Variants in F2 observed in about 807,000 individuals in gnomAD.
F2 encodes the protein prothrombin.
In F2, 34 loss-of-function variants were observed where a neutral mutation model predicts 81.9. That is an observed-to-expected ratio of 0.42 (90% confidence interval 0.32 to 0.55). F2 has a LOEUF of 0.55. F2 is among the 20% of genes least tolerant of loss of function. F2 has a pLI of 0.18. For synonymous variants in F2, 296 were observed against 326.4 expected (o/e 0.91, Z 1.01); for missense variants, 630 against 833.4 (o/e 0.76, Z 3.00).
At chr11:46,734,592 C>T (rs1478771408) in intron 12 of F2, among the ~76,000 whole-genome samples, 2 of 151,980 alleles carry the variant, frequency 1.3e-5, no homozygotes, top group Admixed American at 6.6e-5. Flanking sequence ...TGGGGGATCA[C>T]CTGAGGTCAG....
chr11:46,737,591 C>T (rs2064951925), intron 12 of F2, among the ~76,000 whole-genome samples: 3 of 151,520 alleles, frequency 2.0e-5, no homozygotes, highest in Admixed American at 2.0e-4. Flanking sequence ...CAGGTGTACA[C>T]TGCCACGCCC....
At chr11:46,735,770 A>G (rs1348944884) in intron 12 of F2, among the ~76,000 whole-genome samples, 1 of 151,840 alleles carries the variant, frequency 6.6e-6, no homozygotes, top group Non-Finnish European at 1.5e-5. Context: ...TAAAAATACA[A>G]AATTAGCCAG....
At position 46,728,566 on chromosome 11, in the gene F2, C is replaced by T; in HGVS notation, c.1299-98C>T. The T allele has an allele frequency of 2.2e-6, 3 of 1,390,296 alleles. No homozygotes were observed. In the Admixed American group the frequency reaches 5.3e-5, roughly 24 times the overall value. 86.1% of individuals were successfully genotyped at this position (1,390,296 alleles called of 1,614,324 possible). On this transcript the variant is annotated intron_variant, in intron 10 of 13. Coordinates refer to ENST00000311907, the MANE Select transcript of F2 (RefSeq NM_000506.5). The surrounding 1 kb of genome is among the most constrained non-coding windows in gnomAD (Gnocchi z 5.1). Reference sequence around the variant, plus strand: ...GCCCTATCCCCTCCCTGGTGGCCTGCAGGACACACTGTCTCCCAGACCCCA... The same window carrying T: ...GCCCTATCCCCTCCCTGGTGGCCTGTAGGACACACTGTCTCCCAGACCCCA...
At chr11:46,724,961 G>T (rs890931489) in intron 6 of F2, among the ~76,000 whole-genome samples, 1 of 151,584 alleles carries the variant, frequency 6.6e-6, no homozygotes, top group Non-Finnish European at 1.5e-5. Context: ...TAGTAGAGAC[G>T]GGGTTTCACC....
At chr11:46,730,186 G>A (rs1359663160) in intron 12 of F2, among the ~76,000 whole-genome samples, 1 of 151,536 alleles carries the variant, frequency 6.6e-6, no homozygotes, top group Admixed American at 6.6e-5. Context: ...TGTAGTCGCA[G>A]CTACTCAGGA....
intron 4 of F2, among the ~76,000 whole-genome samples, chr11:46,722,956 G>A (rs2064846649): frequency 6.6e-6 from 1 of 152,246 alleles, no homozygotes; most frequent in Admixed American, 6.5e-5. Context: ...GATGTGTACT[G>A]AGCACCCGAC....
chr11:46,722,033 C>T lies in F2; in HGVS notation c.317-1147C>T, dbSNP rs567426756. ...AATTTTTTGTATTTTTTAGTAGAGACGGGGTTTCACCATGTTGGCCAGGCT... is the reference window on the plus strand; with the variant it reads ...AATTTTTTGTATTTTTTAGTAGAGATGGGGTTTCACCATGTTGGCCAGGCT... On this transcript the variant is annotated intron_variant, in intron 4 of 13. Transcript: ENST00000311907. 5.3e-5 allele frequency among the ~76,000 whole-genome samples: 8 copies of T among 152,116 alleles called. No homozygotes were observed. In the East Asian group the frequency reaches 5.8e-4, roughly 11 times the overall value.
At position 46,720,779 on chromosome 11, in the gene F2, G is replaced by T; in HGVS notation, c.266-11G>T. On this transcript the variant is annotated splice_polypyrimidine_tract_variant and intron_variant, in intron 3 of 13. Coordinates refer to ENST00000311907, the MANE Select transcript of F2 (RefSeq NM_000506.5). ...CCCAATCCCAAAGGTAAACACCTGGGTCTTTTCCAGCTTGTGAGACAGCGA... is the reference window on the plus strand; with the variant it reads ...CCCAATCCCAAAGGTAAACACCTGGTTCTTTTCCAGCTTGTGAGACAGCGA... The T allele has an allele frequency of 1.2e-6, 2 of 1,613,860 alleles. No homozygotes were observed. Among genetic ancestry groups the T allele is most frequent in the Non-Finnish European group, 1.7e-6 (2 of 1,179,780 alleles).
chr11:46,732,606 C>G (rs1002360359), intron 12 of F2, among the ~76,000 whole-genome samples: 2 of 152,216 alleles, frequency 1.3e-5, no homozygotes, highest in African/African-American at 4.8e-5. Flanking sequence ...ACCATGTTGG[C>G]CAGGCTGGTC....
In F2 at chr11:46,735,240, G is replaced by C. The variant is rs980789491; in HGVS notation, c.1655-3808G>C. Among the ~76,000 whole-genome samples the C allele has an allele frequency of 7.9e-5, 12 of 152,072 alleles. No individual in the cohort carries two copies. In the South Asian group the frequency reaches 8.3e-4, roughly 11 times the overall value. ...GTGGATCATGAGGTCAGGAGATAGA[G>C]ACCATCCTGGCCAACATGGTGAAAC... On this transcript the variant is annotated intron_variant, in intron 12 of 13. Coordinates refer to ENST00000311907, the MANE Select transcript of F2 (RefSeq NM_000506.5).
In F2 at chr11:46,726,570, C is replaced by T. The variant is rs745564224; in HGVS notation, c.947C>T (p.Ala316Val). The change falls in exon 8 of 14, where the codon GCC becomes GTC. Residue 316 changes from alanine to valine, a missense_variant. By Grantham distance (64) the Ala-to-Val change is moderately conservative. Coordinates refer to ENST00000311907, the MANE Select transcript of F2 (RefSeq NM_000506.5). The surrounding 1 kb of genome is among the most constrained non-coding windows in gnomAD (Gnocchi z 5.9). ...DSDRAIEGRT[A>V]TSEYQTFFNP... The stretch of plus-strand genomic sequence containing the variant: ...GACAGGGCCATCGAAGGGCGTACCG[C>T]CACCAGTGAGTACCAGACTTTCTTC... 8.1e-6 allele frequency: 13 copies of T among 1,614,124 alleles called. No homozygotes were observed. The highest frequency in any genetic ancestry group is 1.1e-5 in the Non-Finnish European group (13 of 1,179,984).
At chr11:46,733,782 CTTTTTTTTTTT>C (rs34296052) in intron 12 of F2, among the ~76,000 whole-genome samples, 2 of 89,766 alleles carry the variant, frequency 2.2e-5, no homozygotes. Flanking sequence ...GATTAAGGAC[CTTTTTTTTTTT>C]TTTTTTTTTT....
rs2064826413 is a variant in F2, at chr11:46,719,989, C to A, written c.240+127C>A. 2 of 1,318,394 alleles carry A rather than the reference C, an allele frequency of 1.5e-6. No individual in the cohort carries two copies. Among genetic ancestry groups the A allele is most frequent in the Non-Finnish European group, 2.1e-6 (2 of 954,914 alleles). 81.7% of individuals were successfully genotyped at this position (1,318,394 alleles called of 1,614,324 possible). A position where few individuals can be genotyped will look rare whatever the true frequency, so the allele number is the denominator to read the frequency against. On this transcript the variant is annotated intron_variant, in intron 2 of 13. Transcript: ENST00000311907. This position sits in a 1 kb window ranked among gnomAD's most constrained non-coding sequence, Gnocchi z 4.7. Reference sequence around the variant, plus strand: ...CTCACAGCCTCATTTCAACTCTGAGCCCCTCCTCACAGGGCTGGCAAGAGG... The same window carrying A: ...CTCACAGCCTCATTTCAACTCTGAGACCCTCCTCACAGGGCTGGCAAGAGG...
chr11:46,739,292 A>G lies in F2; in HGVS notation c.1753A>G (p.Met585Val), dbSNP rs1298718944. The change falls in exon 14 of 14, where the codon ATG becomes GTG. Residue 585 changes from methionine (M) to valine (V), a missense_variant. Transcript: ENST00000311907. ...CCCCTTTAACAACCGCTGGTATCAA[A>G]TGGGCATCGTCTCATGGGGTGAAGG... ...KSPFNNRWYQ[M>V]GIVSWGEGCD... is the part of the protein sequence containing the mutation. 1 of 1,614,128 alleles carries G rather than the reference A, an allele frequency of 6.2e-7. No individual in the cohort carries two copies. The highest frequency in any genetic ancestry group is 8.5e-7 in the Non-Finnish European group (1 of 1,180,020).
chr11:46,726,645 G>A lies in F2; in HGVS notation c.1003+19G>A, dbSNP rs372168589. The A allele has an allele frequency of 1.1e-4, 185 of 1,613,484 alleles. No individual in the cohort carries two copies. Among genetic ancestry groups the A allele is most frequent in the African/African-American group, 1.6e-4 (12 of 74,944 alleles). ...GAGGCAGGTGAGGTAGTGGGCATCC[G>A]AGGGGATGCGGGGCTGCGGGGCTGG... On this transcript the variant is annotated intron_variant, in intron 8 of 13. Coordinates refer to ENST00000311907, the MANE Select transcript of F2 (RefSeq NM_000506.5). The surrounding 1 kb of genome is among the most constrained non-coding windows in gnomAD (Gnocchi z 5.9).
At chr11:46,721,234 G>C (rs2064834411) in intron 4 of F2, among the ~76,000 whole-genome samples, 1 of 152,102 alleles carries the variant, frequency 6.6e-6, no homozygotes, top group Non-Finnish European at 1.5e-5. Flanking sequence ...AGTAGAGACG[G>C]GGTTTCACCA....
At chr11:46,732,880 T>G in intron 12 of F2, among the ~76,000 whole-genome samples, 1 of 152,176 alleles carries the variant, frequency 6.6e-6, no homozygotes, top group Non-Finnish European at 1.5e-5. Flanking sequence ...ACTGTAGTGT[T>G]GGAACCAGCC....
Position 46,730,986 on chromosome 11 carries a change from G to C in F2, c.1654+1425G>C, listed in dbSNP as rs185425191. 3.8e-3 allele frequency among the ~76,000 whole-genome samples: 576 copies of C among 151,890 alleles called. 3 individuals carry two copies. The highest frequency in any genetic ancestry group is 0.027 in the Middle Eastern group (8 of 292). On this transcript the variant is annotated intron_variant, in intron 12 of 13. Coordinates refer to ENST00000311907, the MANE Select transcript of F2 (RefSeq NM_000506.5). ...GGCTTGAGTGCAGTGGCACAATCTC[G>C]GCTCACTGCAACCTCCTGCTCCCAG...
chr11:46,732,554 C>A (rs568848992), intron 12 of F2, among the ~76,000 whole-genome samples: 1 of 151,846 alleles, frequency 6.6e-6, no homozygotes, highest in South Asian at 2.1e-4. Context: ...TGTGCCACCA[C>A]GCCTGGCTAA....
Sources: allele counts gnomAD v4.1 joint callset (sites outside exome capture counted in the v4.1 genomes callset), GRCh38; gene constraint gnomAD v4.1.1; non-coding constraint Gnocchi (gnomAD v3.1); transcripts MANE v1.5; gene names NCBI Gene and HGNC (gene_info 2026-07-23, HGNC 2026-07-21).